The following TVP23A variants were observed in gnomAD, a reference collection of about 807,000 sequenced individuals.
TVP23A encodes Golgi apparatus membrane protein TVP23 homolog A.
A neutral mutation model predicts 31.7 loss-of-function variants in TVP23A; 21 were observed. That is an observed-to-expected ratio of 0.66 (90% CI 0.47 to 0.95). TVP23A has a LOEUF of 0.95. TVP23A is among the 40% of genes least tolerant of loss of function. The pLI, the probability that TVP23A is intolerant of heterozygous loss-of-function variation, is 0.00. For missense variants in TVP23A, 279 were observed against 255.6 expected (o/e 1.09, Z -0.62); for synonymous variants, 104 against 96.0 (o/e 1.08, Z -0.49).
intron 2 of TVP23A, among the ~76,000 whole-genome samples, chr16:10,785,799 C>A (rs1226127806): frequency 6.6e-6 from 1 of 152,154 alleles, no homozygotes; most frequent in African/African-American, 2.4e-5. Flanking sequence ...GTGTGGAGAC[C>A]AGAACTCTGA....
downstream of TVP23A, among the ~76,000 whole-genome samples, chr16:10,764,627 T>C (rs2030577043): frequency 6.6e-6 from 1 of 151,276 alleles, no homozygotes; most frequent in South Asian, 2.1e-4. Context: ...GTCAGTCTAT[T>C]GGAGCATCTC....
chr16:10,794,309 C>T (rs1336192790), intron 2 of TVP23A, among the ~76,000 whole-genome samples: 2 of 152,052 alleles, frequency 1.3e-5, no homozygotes, highest in South Asian at 4.1e-4. Context: ...CACATCATTC[C>T]AATCTCTGCC....
At chr16:10,813,782 G>A (rs922048396) in intron 2 of TVP23A, among the ~76,000 whole-genome samples, 1 of 151,924 alleles carries the variant, frequency 6.6e-6, no homozygotes, top group Admixed American at 6.6e-5. Context: ...AAGGCACTAG[G>A]ATCACTCAAG....
downstream of TVP23A, among the ~76,000 whole-genome samples, chr16:10,765,527 G>A (rs1420007866): frequency 6.6e-6 from 1 of 151,870 alleles, no homozygotes; most frequent in Admixed American, 6.6e-5. This position sits in a 1 kb window ranked among gnomAD's most constrained non-coding sequence, Gnocchi z 4.0. Context: ...TTTAAAAATG[G>A]CATGCTTGCT....
chr16:10,803,270 T>TGTGTGTGTGTGTGTGTGTGTGTGC (rs1567310412), intron 2 of TVP23A, among the ~76,000 whole-genome samples: 2 of 151,948 alleles, frequency 1.3e-5, no homozygotes, highest in East Asian at 3.9e-4. Context: ...TGTGTGTGTG[T>TGTGTGTGTGTGTGTGTGTGTGTGC]GTGTGTGTGT....
chr16:10,796,981 A>G (rs377360506), intron 2 of TVP23A, among the ~76,000 whole-genome samples: 12 of 152,152 alleles, frequency 7.9e-5, no homozygotes, highest in African/African-American at 2.9e-4. Flanking sequence ...CTTGAGCCCA[A>G]GAATTCGAGA....
chr16:10,777,595 T>C lies in TVP23A; in HGVS notation c.90-2499A>G, dbSNP rs192001787. On this transcript the variant is annotated intron_variant, in intron 2 of 7. Coordinates refer to ENST00000299866, the MANE Select transcript of TVP23A (RefSeq NM_001079512.4). This position sits in a 1 kb window ranked among gnomAD's most constrained non-coding sequence, Gnocchi z 4.5. Reference sequence around the variant, plus strand: ...TTCAGAAGCAGACTTCACAGTGACTTTTTTGCGTAGCAAAGCACCAACTAT... The same window carrying C: ...TTCAGAAGCAGACTTCACAGTGACTCTTTTGCGTAGCAAAGCACCAACTAT... Among the ~76,000 whole-genome samples the C allele has an allele frequency of 6.6e-6, 1 of 151,906 alleles. No individual in the cohort carries two copies. Among genetic ancestry groups the C allele is most frequent in the African/African-American group, 2.4e-5 (1 of 41,416 alleles).
downstream of TVP23A, chr16:10,763,943 A>G: frequency 5.5e-6 from 1 of 180,772 alleles, no homozygotes; most frequent in Non-Finnish European, 1.2e-5. Context: ...TCCCAGCCCA[A>G]GGGAGTATCT....
intron 2 of TVP23A, among the ~76,000 whole-genome samples, chr16:10,812,033 T>A (rs1229799119): frequency 6.8e-6 from 1 of 147,392 alleles, no homozygotes; most frequent in Non-Finnish European, 1.5e-5. Context: ...AATATTAATA[T>A]ACAGAATAAA....
At chr16:10,762,902 G>A (rs2030215825), downstream of TVP23A, among the ~76,000 whole-genome samples, 2 of 148,604 alleles carry the variant, frequency 1.3e-5, no homozygotes, top group Admixed American at 6.7e-5. Context: ...TGCATGGGGA[G>A]AATGGGAGCC....
In TVP23A at chr16:10,766,935, A is replaced by G. The variant is rs1203420653; in HGVS notation, c.*2167T>C. On this transcript the variant is annotated 3_prime_UTR_variant, in exon 8 of 8. Coordinates refer to ENST00000299866, the MANE Select transcript of TVP23A (RefSeq NM_001079512.4). The surrounding 1 kb of genome is among the most constrained non-coding windows in gnomAD (Gnocchi z 4.8). Reference sequence around the variant, plus strand: ...CTTATGTTCCCTGCCTCTGGACCCTATTTTCCTGACTCACTGGGCCATATG... The same window carrying G: ...CTTATGTTCCCTGCCTCTGGACCCTGTTTTCCTGACTCACTGGGCCATATG... 1 of 398,300 alleles carries G rather than the reference A, an allele frequency of 2.5e-6. No individual in the cohort carries two copies. Among genetic ancestry groups the G allele is most frequent in the Admixed American group, 4.4e-5 (1 of 22,674 alleles). 24.7% of individuals were successfully genotyped at this position (398,300 alleles called of 1,614,324 possible).
downstream of TVP23A, among the ~76,000 whole-genome samples, chr16:10,765,561 G>T (rs975970557): frequency 6.6e-6 from 1 of 152,100 alleles, no homozygotes; most frequent in Admixed American, 6.5e-5. This position sits in a 1 kb window ranked among gnomAD's most constrained non-coding sequence, Gnocchi z 4.0. Flanking sequence ...ATGTCCACGG[G>T]CCCAGCCACA....
At chr16:10,775,521 T>G (rs2031948952) in intron 2 of TVP23A, 1 of 1,036,218 alleles carries the variant, frequency 9.7e-7, no homozygotes, top group African/African-American at 1.7e-5. Context: ...GGGGCAGGTG[T>G]CTCATGTCAT....
intron 2 of TVP23A, among the ~76,000 whole-genome samples, chr16:10,793,332 T>G (rs1469269812): frequency 6.6e-6 from 1 of 152,066 alleles, no homozygotes; most frequent in Non-Finnish European, 1.5e-5. Flanking sequence ...CTGGGTATGC[T>G]CAGCATCAAA....
chr16:10,798,574 A>G (rs2033530371), intron 2 of TVP23A, among the ~76,000 whole-genome samples: 1 of 152,264 alleles, frequency 6.6e-6, no homozygotes, highest in African/African-American at 2.4e-5. Context: ...GGTCCTGGTC[A>G]TCAGAGTGGC....
intron 6 of TVP23A, 85 bp downstream of exon 6, chr16:10,771,585 A>C: frequency 6.5e-7 from 1 of 1,548,110 alleles, no homozygotes; most frequent in Non-Finnish European, 8.9e-7. Flanking sequence ...GATATGTTAC[A>C]TTACAAACCG....
intron 7 of TVP23A, among the ~76,000 whole-genome samples, chr16:10,769,839 T>C (rs1161006352): frequency 1.3e-5 from 2 of 152,190 alleles, no homozygotes; most frequent in East Asian, 3.8e-4. Context: ...CTCTTTGCCA[T>C]GAGGTGCTTG....
At chr16:10,805,040 TTTTC>T (rs1242741737) in intron 2 of TVP23A, among the ~76,000 whole-genome samples, 3 of 151,938 alleles carry the variant, frequency 2.0e-5, no homozygotes, top group African/African-American at 7.2e-5. Context: ...AATCTTTTCT[TTTTC>T]TTTCTTTTTT....
intron 4 of TVP23A, 90 bp from the exon 5 acceptor site, chr16:10,773,531 T>C (rs1325127503): frequency 7.0e-7 from 1 of 1,424,420 alleles, no homozygotes; most frequent in African/African-American, 1.4e-5. Context: ...ATTTTGCAGA[T>C]GCTTTTGTTG....
Sources: gnomAD v4.1 joint callset for allele counts (sites outside exome capture counted in the v4.1 genomes callset) on GRCh38, gnomAD v4.1.1 for gene constraint, Gnocchi (gnomAD v3.1) non-coding constraint, MANE v1.5 for transcripts, NCBI Gene and HGNC (gene_info 2026-07-23, HGNC 2026-07-21) for gene names.